The following ITGB3BP variants were observed in gnomAD, a reference collection of about 807,000 sequenced individuals.
ITGB3BP encodes integrin subunit beta 3 binding protein, also known as centromere protein R.
ITGB3BP carries 27 observed loss-of-function variants against 29.1 expected under a neutral mutation model. The ratio of observed to expected loss-of-function variants is 0.93; its 90% CI spans 0.68 to 1.28. The LOEUF (loss-of-function observed/expected upper bound fraction) is 1.28. Among genes scored for constraint, ITGB3BP ranks in the 50% most tolerant of loss-of-function variants. The pLI is 0.00. For synonymous variants in ITGB3BP, 61 were observed against 61.4 expected (o/e 0.99, Z 0.03); for missense variants, 192 against 200.2 (o/e 0.96, Z 0.25).
intron 2 of ITGB3BP, among the ~76,000 whole-genome samples, chr1:63,507,193 T>C (rs958036535): frequency 3.9e-5 from 6 of 152,176 alleles, no homozygotes; most frequent in Admixed American, 1.3e-4. Flanking sequence ...CGGGCAGATG[T>C]GGTCATGTAG....
At chr1:63,449,439 A>G (rs1418628076) in intron 7 of ITGB3BP, 1 of 152,196 alleles carries the variant, frequency 6.6e-6, no homozygotes, top group Non-Finnish European at 1.5e-5. Flanking sequence ...TAAATCATGA[A>G]AGAAATTATT....
chr1:63,466,401 T>A (rs771978041), intron 4 of ITGB3BP, among the ~76,000 whole-genome samples: 2 of 152,180 alleles, frequency 1.3e-5, no homozygotes, highest in Admixed American at 6.5e-5. Context: ...ACCCTACACA[T>A]TTCTAAAGGA....
At chr1:63,522,921 A>G in intron 1 of ITGB3BP, 1 of 751,780 alleles carries the variant, frequency 1.3e-6, no homozygotes, top group East Asian at 2.5e-5. Context: ...CATCGTAGAA[A>G]CAGAAAGCGA....
chr1:63,476,206 C>G (rs558526089), intron 4 of ITGB3BP, among the ~76,000 whole-genome samples: 1 of 151,626 alleles, frequency 6.6e-6, no homozygotes, highest in Non-Finnish European at 1.5e-5. Context: ...CTCTGTCACC[C>G]AGGCTGTAGT....
At chr1:63,459,200 GCTCAACATGACAGC>G (rs1055339806) in intron 4 of ITGB3BP, among the ~76,000 whole-genome samples, 3 of 151,966 alleles carry the variant, frequency 2.0e-5, no homozygotes, top group African/African-American at 7.3e-5. Context: ...ACAAATTTCT[GCTCAACATGACAGC>G]CTAACCCAAT....
intron 7 of ITGB3BP, among the ~76,000 whole-genome samples, chr1:63,449,098 C>A (rs1295167820): frequency 6.6e-6 from 1 of 152,080 alleles, no homozygotes; most frequent in East Asian, 1.9e-4. Context: ...ATTTAATACG[C>A]AACAATGTCT....
intron 4 of ITGB3BP, among the ~76,000 whole-genome samples, chr1:63,455,819 T>C (rs1343338662): frequency 2.0e-5 from 3 of 152,146 alleles, no homozygotes; most frequent in Admixed American, 6.6e-5. Context: ...GTAAACCATA[T>C]ATGTAATTTA....
At chr1:63,506,637 T>G (rs1323299549) in intron 2 of ITGB3BP, among the ~76,000 whole-genome samples, 1 of 152,164 alleles carries the variant, frequency 6.6e-6, no homozygotes, top group Non-Finnish European at 1.5e-5. Context: ...TTAATCTCCA[T>G]GAAGATCTGT....
rs377309758 is a variant in ITGB3BP, at chr1:63,513,621, T to TCA, written c.6-5053_6-5052dup. Among the ~76,000 whole-genome samples the TCA allele has an allele frequency of 1.5e-3, 222 of 151,804 alleles. 1 individual carries two copies. Among genetic ancestry groups the TCA allele is most frequent in the African/African-American group, 5.1e-3 (213 of 41,420 alleles). ...TCAGAGGACAGAGCTGGAACACACA[T>TCA]CACACACACACACAAAAACATTTCT... On this transcript the variant is annotated intron_variant, in intron 1 of 8. Transcript: ENST00000271002.
At chr1:63,516,861 A>G (rs1057414474) in intron 1 of ITGB3BP, among the ~76,000 whole-genome samples, 3 of 152,130 alleles carry the variant, frequency 2.0e-5, no homozygotes, top group African/African-American at 7.2e-5. Flanking sequence ...TATGGGAGGA[A>G]GGTGAGGGTT....
At chr1:63,504,100 G>A (rs2100751468) in intron 2 of ITGB3BP, among the ~76,000 whole-genome samples, 1 of 151,788 alleles carries the variant, frequency 6.6e-6, no homozygotes, top group African/African-American at 2.4e-5. Context: ...AAATTACCTT[G>A]GGCAGTATGG....
intron 4 of ITGB3BP, among the ~76,000 whole-genome samples, chr1:63,462,690 C>A (rs1182338172): frequency 6.6e-6 from 1 of 152,182 alleles, no homozygotes; most frequent in Non-Finnish European, 1.5e-5. Context: ...ATATCTTCAT[C>A]CTAAGATTCT....
intron 7 of ITGB3BP, among the ~76,000 whole-genome samples, chr1:63,451,362 A>G (rs1644857081): frequency 6.6e-6 from 1 of 151,950 alleles, no homozygotes; most frequent in Non-Finnish European, 1.5e-5. Flanking sequence ...TTCTAATATT[A>G]TGACAAACTC....
intron 2 of ITGB3BP, among the ~76,000 whole-genome samples, chr1:63,500,495 C>A (rs1440887863): frequency 6.6e-6 from 1 of 152,084 alleles, no homozygotes; most frequent in East Asian, 1.9e-4. Flanking sequence ...TTAGCAGTGA[C>A]TAATCTAAAA....
At chr1:63,512,221 G>C (rs1038693257) in intron 1 of ITGB3BP, among the ~76,000 whole-genome samples, 1 of 152,118 alleles carries the variant, frequency 6.6e-6, no homozygotes, top group Non-Finnish European at 1.5e-5. Flanking sequence ...CAATTTTATA[G>C]AGAGAGTAAC....
Position 63,488,358 on chromosome 1 carries a change from C to T in ITGB3BP, c.184+1725G>A, listed in dbSNP as rs181899465. 3.6e-3 allele frequency among the ~76,000 whole-genome samples: 551 copies of T among 151,982 alleles called. 5 individuals carry two copies. The highest frequency in any genetic ancestry group is 6.3e-3 in the Non-Finnish European group (426 of 67,908). On this transcript the variant is annotated intron_variant, in intron 3 of 8. Transcript: ENST00000271002. ...TTTGGGTGTTAGATGGATATATGGCCTTCCATGTCATGATAAGGGTTTTGG... is the reference window on the plus strand; with the variant it reads ...TTTGGGTGTTAGATGGATATATGGCTTTCCATGTCATGATAAGGGTTTTGG...
intron 4 of ITGB3BP, among the ~76,000 whole-genome samples, chr1:63,460,596 G>A (rs1645001098): frequency 6.6e-6 from 1 of 152,030 alleles, no homozygotes; most frequent in Non-Finnish European, 1.5e-5. Context: ...GAATAATGAT[G>A]GAATAAACAT....
chr1:63,471,337 C>T (rs1645193705), intron 4 of ITGB3BP, among the ~76,000 whole-genome samples: 1 of 148,886 alleles, frequency 6.7e-6, no homozygotes, highest in Non-Finnish European at 1.5e-5. Flanking sequence ...ACGATCTCGG[C>T]TCACTGCAAG....
chr1:63,502,740 C>A (rs1465974428), intron 2 of ITGB3BP, among the ~76,000 whole-genome samples: 1 of 147,752 alleles, frequency 6.8e-6, no homozygotes, highest in East Asian at 2.0e-4. Flanking sequence ...GTTCAATTCC[C>A]ACCTACGAGT....
Sources: gnomAD v4.1 joint callset for allele counts (sites outside exome capture counted in the v4.1 genomes callset) on GRCh38, gnomAD v4.1.1 for gene constraint, MANE v1.5 for transcripts, NCBI Gene and HGNC (gene_info 2026-07-23, HGNC 2026-07-21) for gene names.